Variants in PCBP2 observed in about 807,000 individuals in gnomAD.
PCBP2 encodes the protein poly(rC)-binding protein 2.
PCBP2 carries 4 observed loss-of-function variants against 50.1 expected under a neutral mutation model. The observed-to-expected ratio is 0.08, with a 90% CI of 0.04 to 0.18. PCBP2 has a LOEUF of 0.18. PCBP2 is among the 10% of genes least tolerant of loss of function. The pLI, the probability that PCBP2 is intolerant of heterozygous loss-of-function variation, is 1.00. For synonymous variants in PCBP2, 179 were observed against 168.0 expected, an observed-to-expected ratio of 1.07 and a Z score of -0.51; for missense variants, 161 against 474.3, an observed-to-expected ratio of 0.34 and a Z score of 6.14.
At chr12:53,462,064 T>C (rs931453372) in intron 7 of PCBP2, among the ~76,000 whole-genome samples, 4 of 152,226 alleles carry the variant, frequency 2.6e-5, no homozygotes, top group African/African-American at 9.6e-5. Flanking sequence ...GCCTTTGAAC[T>C]ATTTATAGAT....
chr12:53,460,989 A>G, intron 6 of PCBP2, 26 bp from the exon 7 acceptor site: 1 of 1,611,164 alleles, frequency 6.2e-7, no homozygotes, highest in African/African-American at 1.3e-5. Context: ...TTTTTCTCTG[A>G]TTTTGAATTT....
rs1940575992 is a variant in PCBP2 at position 53,452,217 on chromosome 12, T to TCCCCCTTCCTCCTCCTCCTCCTCCACC, written c.-219_-193dup. 2 of 96,296 alleles carry TCCCCCTTCCTCCTCCTCCTCCTCCACC rather than the reference T, an allele frequency of 2.1e-5. No homozygotes were observed. The highest frequency in any genetic ancestry group is 1.1e-4 in the Admixed American group (1 of 9,408). 6.0% of individuals were successfully genotyped at this position (96,296 alleles called of 1,614,324 possible). A position where few individuals can be genotyped will look rare whatever the true frequency, so the allele number is the denominator to read the frequency against. On this transcript the variant is annotated 5_prime_UTR_variant, in exon 1 of 15. Coordinates refer to ENST00000546463, the MANE Select transcript of PCBP2 (RefSeq NM_031989.5). ...CCCTCCACCCGCCCCGGGGTCTCTT[T>TCCCCCTTCCTCCTCCTCCTCCTCCACC]CCCCCTTCCTCCTCCTCCTCCTCCA...
At chr12:53,463,184 G>A (rs1941572213) in intron 8 of PCBP2, among the ~76,000 whole-genome samples, 1 of 152,120 alleles carries the variant, frequency 6.6e-6, no homozygotes, top group African/African-American at 2.4e-5. Flanking sequence ...CGTGACCTTT[G>A]GTGTTAGAGT....
Position 53,481,108 on chromosome 12 carries a change from CATATAT to C in PCBP2, c.*1677_*1682del, listed in dbSNP as rs146607300. The C allele has an allele frequency of 6.9e-6, 4 of 580,908 alleles. No individual in the cohort carries two copies. Among genetic ancestry groups the C allele is most frequent in the African/African-American group, 4.1e-5 (2 of 48,548 alleles). The allele number at this position is 580,908 out of a possible 1,614,324, so 36.0% of individuals were successfully genotyped here. The stretch of plus-strand genomic sequence containing the variant: ...CCATCTTTCTGTTGATTATGTGGCG[CATATAT>C]ATATATATATGTATATATATATAAT... On this transcript the variant is annotated 3_prime_UTR_variant, in exon 15 of 15. Transcript: ENST00000546463.
In PCBP2 at chr12:53,467,798, T is replaced by G; in HGVS notation, c.788-7T>G. Reference sequence around the variant, plus strand: ...CACCAAACTCATTTTCACTTGTATCTTAACAGGCATTGAATCCAGCTCTCC... The same window carrying G: ...CACCAAACTCATTTTCACTTGTATCGTAACAGGCATTGAATCCAGCTCTCC... On this transcript the variant is annotated splice_region_variant and splice_polypyrimidine_tract_variant and intron_variant, in intron 11 of 14. Coordinates refer to ENST00000546463, the MANE Select transcript of PCBP2 (RefSeq NM_031989.5). 6.2e-7 allele frequency: 1 copy of G among 1,611,536 alleles called. No individual in the cohort carries two copies. Among genetic ancestry groups the G allele is most frequent in the Non-Finnish European group, 8.5e-7 (1 of 1,177,708 alleles).
chr12:53,452,644 A>AG (rs1468897709), intron 1 of PCBP2, among the ~76,000 whole-genome samples: 57 of 127,558 alleles, frequency 4.5e-4, no homozygotes, highest in African/African-American at 1.5e-3. Context: ...CGCGCGCGGT[A>AG]GGGGGGGCGG....
chr12:53,475,034 C>A (rs1249577520), intron 14 of PCBP2: 1 of 456,498 alleles, frequency 2.2e-6, no homozygotes, highest in Non-Finnish European at 4.4e-6. Flanking sequence ...GCCTCCCCAA[C>A]CCTCTTCCGA....
chr12:53,456,614 A>C (rs1427697802), intron 5 of PCBP2, among the ~76,000 whole-genome samples: 1 of 152,262 alleles, frequency 6.6e-6, no homozygotes, highest in Non-Finnish European at 1.5e-5. Flanking sequence ...ACCTGACGTT[A>C]TAAACACAAA....
rs1940944506 is a variant in PCBP2 at position 53,455,592 on chromosome 12, G to A, written c.126+99G>A. On this transcript the variant is annotated intron_variant, in intron 4 of 14. Transcript: ENST00000546463. ...AGAAATTAGGAAGGTCTCAATAAGG[G>A]AAATATGTATTTTTTTTCGGCTTGG... is the stretch of plus-strand genomic sequence containing the variant. The A allele has an allele frequency of 3.2e-6, 4 of 1,238,052 alleles. No homozygotes were observed. In the African/African-American group the frequency reaches 6.0e-5, roughly 19 times the overall value. 76.7% of individuals were successfully genotyped at this position (1,238,052 alleles called of 1,614,324 possible).
At chr12:53,474,060 C>T (rs1467498386) in intron 14 of PCBP2, among the ~76,000 whole-genome samples, 3 of 152,178 alleles carry the variant, frequency 2.0e-5, no homozygotes, top group African/African-American at 7.2e-5. Context: ...ATTTGGGAGA[C>T]ATGTACCCTT....
At chr12:53,471,938 T>G in intron 14 of PCBP2, 131 bp downstream of exon 14, 2 of 685,380 alleles carry the variant, frequency 2.9e-6, no homozygotes, top group Non-Finnish European at 4.5e-6. Flanking sequence ...TTTTTTTTTT[T>G]TGCTAGCTCT....
At chr12:53,462,410 C>A in intron 7 of PCBP2, 83 bp from the exon 8 acceptor site, 2 of 1,052,796 alleles carry the variant, frequency 1.9e-6, no homozygotes, top group East Asian at 2.4e-5. Flanking sequence ...ATTTAACTGA[C>A]CTGTGTGAGC....
intron 1 of PCBP2, among the ~76,000 whole-genome samples, chr12:53,453,603 G>A (rs1412547355): frequency 6.6e-6 from 1 of 152,200 alleles, no homozygotes; most frequent in Non-Finnish European, 1.5e-5. Flanking sequence ...ACAGTGGCTG[G>A]TTTTGTGAAG....
intron 14 of PCBP2, 115 bp from the exon 15 acceptor site, chr12:53,479,291 T>C (rs1168705505): frequency 1.2e-6 from 1 of 864,712 alleles, no homozygotes; most frequent in Non-Finnish European, 1.9e-6. Context: ...CCTTAAAATG[T>C]CTCCCTTGGT....
intron 5 of PCBP2, among the ~76,000 whole-genome samples, chr12:53,458,352 C>T (rs1186775881): frequency 1.3e-5 from 2 of 152,094 alleles, no homozygotes; most frequent in Non-Finnish European, 2.9e-5. Flanking sequence ...GTTCCCTAGG[C>T]TGGAGTGCAG....
At chr12:53,470,739 A>C (rs1023638716) in intron 13 of PCBP2, among the ~76,000 whole-genome samples, 1 of 147,360 alleles carries the variant, frequency 6.8e-6, no homozygotes, top group Non-Finnish European at 1.5e-5. Flanking sequence ...TTACAGTATT[A>C]GTGCAAATGT....
intron 14 of PCBP2, chr12:53,474,787 G>A (rs749358291): frequency 5.7e-6 from 2 of 351,096 alleles, no homozygotes; most frequent in Non-Finnish European, 1.1e-5. Flanking sequence ...AACTGAAGCA[G>A]TTTTTGTCCT....
chr12:53,477,525 G>A (rs1942677154), intron 14 of PCBP2, among the ~76,000 whole-genome samples: 1 of 151,892 alleles, frequency 6.6e-6, no homozygotes. Flanking sequence ...AATTAGCTGG[G>A]CATGGTGGTG....
At chr12:53,453,140 G>A (rs1940707179) in intron 1 of PCBP2, 1 of 151,558 alleles carries the variant, frequency 6.6e-6, no homozygotes. Context: ...GGATTACTTG[G>A]TTTGGAGTTA....
Sources: gnomAD v4.1 joint callset for allele counts (sites outside exome capture counted in the v4.1 genomes callset) on GRCh38, gnomAD v4.1.1 for gene constraint, MANE v1.5 for transcripts, NCBI Gene and HGNC (gene_info 2026-07-23, HGNC 2026-07-21) for gene names.